The following EXOC6B variants were observed in gnomAD, a reference collection of about 807,000 sequenced individuals.
The protein encoded by EXOC6B is exocyst complex component 6B.
A neutral mutation model predicts 113.5 loss-of-function variants in EXOC6B; 54 were observed. That is an observed-to-expected ratio of 0.48 (90% CI 0.38 to 0.60). EXOC6B has a LOEUF of 0.60. EXOC6B is among the 20% of genes least tolerant of loss of function. EXOC6B has a pLI of 0.00. For missense variants in EXOC6B, 797 were observed against 977.5 expected (o/e 0.82, Z 2.46); for synonymous variants, 357 against 339.0 (o/e 1.05, Z -0.58).
intron 19 of EXOC6B, among the ~76,000 whole-genome samples, chr2:72,345,461 T>C (rs1689272660): frequency 6.6e-6 from 1 of 152,156 alleles, no homozygotes; most frequent in African/African-American, 2.4e-5. Context: ...GATAAATAAA[T>C]GGTGTTATTT....
chr2:72,648,291 A>C (rs150977368), intron 6 of EXOC6B, among the ~76,000 whole-genome samples: 1 of 152,220 alleles, frequency 6.6e-6, no homozygotes, highest in Non-Finnish European at 1.5e-5. Flanking sequence ...CAGATGCTAG[A>C]GAGGATGTGG....
At chr2:72,623,043 C>T (rs1304077334) in intron 6 of EXOC6B, among the ~76,000 whole-genome samples, 16 of 152,184 alleles carry the variant, frequency 1.1e-4, no homozygotes, top group Admixed American at 9.2e-4. Context: ...TAATAATATT[C>T]GGTATCTTGA....
At chr2:72,481,936 C>A (rs1228624904) in intron 16 of EXOC6B, among the ~76,000 whole-genome samples, 3 of 152,184 alleles carry the variant, frequency 2.0e-5, no homozygotes, top group Non-Finnish European at 4.4e-5. Context: ...CATTTTCCTA[C>A]ACTGTTTTCC....
At chr2:72,319,560 A>C (rs1687728833) in intron 20 of EXOC6B, among the ~76,000 whole-genome samples, 2 of 152,262 alleles carry the variant, frequency 1.3e-5, no homozygotes, top group Admixed American at 6.5e-5. Flanking sequence ...ATTCAACATC[A>C]ACGTACAAAA....
intron 8 of EXOC6B, among the ~76,000 whole-genome samples, chr2:72,518,936 T>C (rs994041628): frequency 1.3e-5 from 2 of 152,040 alleles, no homozygotes; most frequent in Non-Finnish European, 2.9e-5. Context: ...TGATAAAGAA[T>C]AGGAAGGAAA....
At chr2:72,206,060 C>T (rs765672480) in intron 20 of EXOC6B, among the ~76,000 whole-genome samples, 37 of 152,152 alleles carry the variant, frequency 2.4e-4, no homozygotes, top group Admixed American at 2.2e-3. Flanking sequence ...ATAAAATGTA[C>T]ATTCATTGCA....
At chr2:72,559,560 G>C (rs1170262337) in intron 7 of EXOC6B, 39 bp from the exon 8 acceptor site, 11 of 1,539,540 alleles carry the variant, frequency 7.1e-6, no homozygotes. Context: ...TTCAAACAAA[G>C]CTATTAAAAG....
intron 20 of EXOC6B, among the ~76,000 whole-genome samples, chr2:72,322,258 G>A (rs145385174): frequency 3.0e-4 from 45 of 152,178 alleles, no homozygotes; most frequent in African/African-American, 9.6e-4. Context: ...ATGAACTATT[G>A]ACACCCCCAA....
In EXOC6B at chr2:72,728,027, T is replaced by C. The variant is rs112024380; in HGVS notation, c.464+2980A>G. 1.4e-4 allele frequency among the ~76,000 whole-genome samples: 21 copies of C among 152,274 alleles called. 2 individuals are homozygous for C. The highest frequency in any genetic ancestry group is 4.3e-4 in the African/African-American group (18 of 41,570). On this transcript the variant is annotated intron_variant, in intron 5 of 21. Coordinates refer to ENST00000272427, the MANE Select transcript of EXOC6B (RefSeq NM_015189.3). ...TAAAATAAAAATCACAATAGTGATC[T>C]ATCATTTCACAATCACGAGAGACTG...
intron 21 of EXOC6B, among the ~76,000 whole-genome samples, chr2:72,182,650 A>G (rs981187165): frequency 2.6e-5 from 4 of 152,054 alleles, no homozygotes; most frequent in African/African-American, 9.7e-5. Context: ...ACCTGGCACA[A>G]TGGGAGAAAA....
chr2:72,499,962 G>T lies in EXOC6B; in HGVS notation c.1178C>A (p.Ser393Tyr). ...CAAATCTAACACAAGGTTTGGATCA[G>T]AACAGTAAGACTAAAGTAAATAAAA... ...AALRTHSSYC[S>Y]DPNLVLDLKN... The change falls in exon 12 of 22, where the codon TCT (serine) becomes TAT (tyrosine). Residue 393 changes from serine (S) to tyrosine (Y), a missense_variant. Ser to Tyr is a moderately radical substitution (Grantham distance 144). Coordinates refer to ENST00000272427, the MANE Select transcript of EXOC6B (RefSeq NM_015189.3). The T allele has an allele frequency of 6.5e-7, 1 of 1,548,632 alleles. No homozygotes were observed. Among genetic ancestry groups the T allele is most frequent in the Non-Finnish European group, 8.7e-7 (1 of 1,143,806 alleles).
chr2:72,819,218 A>G (rs1472075124), intron 1 of EXOC6B, among the ~76,000 whole-genome samples: 1 of 152,234 alleles, frequency 6.6e-6, no homozygotes, highest in Admixed American at 6.5e-5. Context: ...CATAATAATC[A>G]TCTAATATTT....
At chr2:72,818,335 G>GTTTTTTTTTTTTTGGT (rs1686389139) in intron 1 of EXOC6B, among the ~76,000 whole-genome samples, 1 of 46,094 alleles carries the variant, frequency 2.2e-5, no homozygotes, top group Admixed American at 2.4e-4. Context: ...TTTTTTTTTT[G>GTTTTTTTTTTTTTGGT]TATTTTTAGT....
At chr2:72,704,389 T>C (rs1265456458) in intron 6 of EXOC6B, among the ~76,000 whole-genome samples, 7 of 149,704 alleles carry the variant, frequency 4.7e-5, no homozygotes, top group Non-Finnish European at 8.9e-5. Flanking sequence ...AGATCCAAAA[T>C]TGACACCCTA....
chr2:72,337,255 A>G (rs977614676), intron 19 of EXOC6B, among the ~76,000 whole-genome samples: 4 of 152,170 alleles, frequency 2.6e-5, no homozygotes, highest in African/African-American at 4.8e-5. Context: ...ATCAGCTAAA[A>G]TTAGCTTCCC....
intron 6 of EXOC6B, 90 bp from the exon 7 acceptor site, chr2:72,575,758 A>T (rs1035329342): frequency 7.1e-5 from 88 of 1,239,396 alleles, no homozygotes; most frequent in Non-Finnish European, 9.2e-5. Context: ...ACAAAACTTA[A>T]TTAAGCTTTC....
chr2:72,408,799 G>T (rs1036232814), intron 18 of EXOC6B, among the ~76,000 whole-genome samples: 4 of 152,140 alleles, frequency 2.6e-5, no homozygotes, highest in African/African-American at 9.7e-5. Flanking sequence ...TCAGGACATA[G>T]GCATGGGCAA....
intron 20 of EXOC6B, among the ~76,000 whole-genome samples, chr2:72,251,503 G>C (rs1055712209): frequency 6.6e-6 from 1 of 152,112 alleles, no homozygotes; most frequent in African/African-American, 2.4e-5. Flanking sequence ...TTGCAAGATG[G>C]GTAGAACCAC....
chr2:72,452,506 T>C (rs1381912436), intron 18 of EXOC6B, among the ~76,000 whole-genome samples: 3 of 151,998 alleles, frequency 2.0e-5, no homozygotes, highest in Admixed American at 2.0e-4. Flanking sequence ...GGGTATGAAT[T>C]GTGGGAAAAA....
Sources: gnomAD v4.1 joint callset for allele counts (sites outside exome capture counted in the v4.1 genomes callset) on GRCh38, gnomAD v4.1.1 for gene constraint, MANE v1.5 for transcripts, NCBI Gene and HGNC (gene_info 2026-07-23, HGNC 2026-07-21) for gene names.